Variants in ANKRD6 observed in about 807,000 individuals in gnomAD.
ANKRD6 encodes the protein ankyrin repeat domain-containing protein 6.
A neutral mutation model predicts 82.3 loss-of-function variants in ANKRD6; 56 were observed. The ratio of observed to expected loss-of-function variants is 0.68; its 90% CI spans 0.55 to 0.85. ANKRD6 has a LOEUF of 0.85. Among genes scored for constraint, ANKRD6 ranks in the 40% least tolerant of loss-of-function variants. ANKRD6 has a pLI of 0.00. For missense variants in ANKRD6, 852 were observed against 907.6 expected, an observed-to-expected ratio of 0.94 and a Z score of 0.79; for synonymous variants, 347 against 352.1, an observed-to-expected ratio of 0.99 and a Z score of 0.16.
intron 1 of ANKRD6, among the ~76,000 whole-genome samples, chr6:89,544,212 A>G (rs1784762933): frequency 6.6e-6 from 1 of 150,958 alleles, no homozygotes; most frequent in South Asian, 2.1e-4. Context: ...AGGCAGTACC[A>G]GCATCTCCAT....
intron 1 of ANKRD6, among the ~76,000 whole-genome samples, chr6:89,517,653 T>C (rs1781387434): frequency 6.6e-6 from 1 of 152,252 alleles, no homozygotes; most frequent in Non-Finnish European, 1.5e-5. Context: ...ATCATTATTA[T>C]AATTTATAGG....
At chr6:89,491,409 A>G (rs556361032) in intron 1 of ANKRD6, among the ~76,000 whole-genome samples, 12 of 152,334 alleles carry the variant, frequency 7.9e-5, no homozygotes, top group South Asian at 4.1e-4. Context: ...GAAGCCGTCC[A>G]TACAATCTAG....
chr6:89,605,957 AG>A, intron 4 of ANKRD6, 49 bp from the exon 5 acceptor site: 1 of 1,354,364 alleles, frequency 7.4e-7, no homozygotes, highest in Non-Finnish European at 1.0e-6. Context: ...CATAATGAGA[AG>A]AATTAGGTCT....
chr6:89,474,486 C>T (rs1294164935), intron 1 of ANKRD6, among the ~76,000 whole-genome samples: 5 of 152,112 alleles, frequency 3.3e-5, no homozygotes, highest in Admixed American at 2.0e-4. Context: ...GGCGGGATCT[C>T]GGCTCACTGC....
intron 2 of ANKRD6, among the ~76,000 whole-genome samples, chr6:89,593,513 A>T (rs983009430): frequency 6.6e-6 from 1 of 152,096 alleles, no homozygotes. Flanking sequence ...TTTTTTGGGG[A>T]GTGATTAAAG....
chr6:89,616,302 C>T, intron 7 of ANKRD6: 2 of 483,224 alleles, frequency 4.1e-6, no homozygotes, highest in East Asian at 3.8e-5. Context: ...GCCAGCATTA[C>T]TTTGCCCCTG....
chr6:89,498,174 A>G (rs1170500704), intron 1 of ANKRD6, among the ~76,000 whole-genome samples: 1 of 152,208 alleles, frequency 6.6e-6, no homozygotes, highest in Non-Finnish European at 1.5e-5. Context: ...AGCCATGGTC[A>G]GTCTTACTCC....
chr6:89,509,619 G>A (rs999933446), intron 1 of ANKRD6, among the ~76,000 whole-genome samples: 1 of 152,136 alleles, frequency 6.6e-6, no homozygotes, highest in Non-Finnish European at 1.5e-5. Context: ...ATAAAACATT[G>A]CCTTTATTTT....
chr6:89,563,652 C>T (rs1787857770), intron 1 of ANKRD6, among the ~76,000 whole-genome samples: 1 of 152,198 alleles, frequency 6.6e-6, no homozygotes, highest in Admixed American at 6.5e-5. Flanking sequence ...AGACTGGTTT[C>T]ACCCCTCTAT....
At chr6:89,520,157 A>C (rs1392112427) in intron 1 of ANKRD6, among the ~76,000 whole-genome samples, 1 of 151,980 alleles carries the variant, frequency 6.6e-6, no homozygotes, top group African/African-American at 2.4e-5. Context: ...CTAATGTTTT[A>C]ATTTTTTTAA....
At chr6:89,545,650 T>C (rs1020768556) in intron 1 of ANKRD6, among the ~76,000 whole-genome samples, 2 of 152,178 alleles carry the variant, frequency 1.3e-5, no homozygotes, top group Non-Finnish European at 2.9e-5. Flanking sequence ...CTGAAGTTTT[T>C]CAAACCCCAA....
chr6:89,583,323 A>G (rs1167760468), intron 2 of ANKRD6, among the ~76,000 whole-genome samples: 1 of 152,240 alleles, frequency 6.6e-6, no homozygotes, highest in African/African-American at 2.4e-5. Flanking sequence ...GTTTATTAGC[A>G]GGAAATAAAT....
intron 1 of ANKRD6, among the ~76,000 whole-genome samples, chr6:89,493,968 G>A (rs547392835): frequency 5.9e-4 from 90 of 152,146 alleles, no homozygotes; most frequent in Non-Finnish European, 1.1e-3. Context: ...TGTTAAAATG[G>A]TAAAGGAGAC....
chr6:89,472,046 C>T (rs1775544740), intron 1 of ANKRD6, among the ~76,000 whole-genome samples: 1 of 151,728 alleles, frequency 6.6e-6, no homozygotes, highest in African/African-American at 2.4e-5. Context: ...CACCTTCCTC[C>T]TAGCTTCTGG....
At chr6:89,444,536 C>T (rs1771820935) in intron 1 of ANKRD6, among the ~76,000 whole-genome samples, 1 of 152,078 alleles carries the variant, frequency 6.6e-6, no homozygotes, top group South Asian at 2.1e-4. Flanking sequence ...GGGTATAAGC[C>T]AGGATATATT....
At chr6:89,612,802 T>C (rs1383814779) in intron 6 of ANKRD6, among the ~76,000 whole-genome samples, 2 of 152,246 alleles carry the variant, frequency 1.3e-5, no homozygotes, top group Non-Finnish European at 2.9e-5. Context: ...CAGGTCCTAC[T>C]GATGACTGAG....
intron 1 of ANKRD6, among the ~76,000 whole-genome samples, chr6:89,520,757 TC>T: frequency 6.6e-6 from 1 of 152,260 alleles, no homozygotes; most frequent in Non-Finnish European, 1.5e-5. Context: ...GTTTGTTTTG[TC>T]CTAGCACAGA....
In ANKRD6 at chr6:89,631,136, A is replaced by T; in HGVS notation, c.*132A>T. 1 of 1,387,414 alleles carries T rather than the reference A, an allele frequency of 7.2e-7. No homozygotes were observed. Among genetic ancestry groups the T allele is most frequent in the Non-Finnish European group, 9.4e-7 (1 of 1,069,020 alleles). The allele number at this position is 1,387,414 out of a possible 1,614,324, so 85.9% of individuals were successfully genotyped here. The stretch of plus-strand genomic sequence containing the variant: ...TTTTTAAAAAAATCACTAATTCTAC[A>T]ATGTGCCAGATACATGTTTCCTATG... On this transcript the variant is annotated 3_prime_UTR_variant, in exon 16 of 16. Coordinates refer to ENST00000339746, the MANE Select transcript of ANKRD6 (RefSeq NM_001242809.2).
At chr6:89,523,221 G>A (rs1782082640) in intron 1 of ANKRD6, among the ~76,000 whole-genome samples, 1 of 152,196 alleles carries the variant, frequency 6.6e-6, no homozygotes, top group African/African-American at 2.4e-5. Context: ...GACAAGATTA[G>A]CATCTTCCCT....
Sources: allele counts gnomAD v4.1 joint callset (sites outside exome capture counted in the v4.1 genomes callset), GRCh38; gene constraint gnomAD v4.1.1; transcripts MANE v1.5; gene names NCBI Gene and HGNC (gene_info 2026-07-23, HGNC 2026-07-21).